GRIK4: variants seen among roughly 807,000 people sequenced by gnomAD.
GRIK4 encodes the protein glutamate receptor ionotropic, kainate 4.
A neutral mutation model predicts 104.9 loss-of-function variants in GRIK4; 40 were observed. That is an observed-to-expected ratio of 0.38 (90% CI 0.30 to 0.50). The LOEUF (loss-of-function observed/expected upper bound fraction) is 0.50, where lower values mean the gene tolerates loss of function less well. Among genes scored for constraint, GRIK4 ranks in the 20% least tolerant of loss-of-function variants. The probability of loss-of-function intolerance (pLI) is 0.93; values close to 1 mark genes in which losing one functional copy is unlikely to be tolerated. For synonymous variants in GRIK4, 485 were observed against 524.9 expected (o/e 0.92, Z 1.04); for missense variants, 1,047 against 1,308.1 (o/e 0.80, Z 3.08).
Position 120,527,621 on chromosome 11 carries a change from A to G in GRIK4, c.-159+15734A>G, listed in dbSNP as rs1947871811. Among the ~76,000 whole-genome samples, 4 of 152,332 alleles carry G rather than the reference A, an allele frequency of 2.6e-5. No homozygotes were observed. The South Asian group carries it at 6.2e-4, about 24-fold the overall frequency. ...GGGGCTGGGAGGAAGACGGGCATTC[A>G]GGTGCTTTTGTTACCTTTGTGATGT... On this transcript the variant is annotated intron_variant, in intron 1 of 20. Transcript: ENST00000527524.
chr11:120,644,492 G>A (rs1949516310), intron 1 of GRIK4, among the ~76,000 whole-genome samples: 2 of 152,214 alleles, frequency 1.3e-5, no homozygotes, highest in South Asian at 4.2e-4. Flanking sequence ...AGAGGTTAAT[G>A]TCTTGGTCAC....
intron 3 of GRIK4, among the ~76,000 whole-genome samples, chr11:120,672,317 G>A (rs1950032368): frequency 1.3e-5 from 2 of 152,114 alleles, no homozygotes; most frequent in African/African-American, 4.8e-5. Flanking sequence ...TCAGGAGGCT[G>A]AGACAGGAGA....
At chr11:120,711,600 C>T (rs1045648170) in intron 3 of GRIK4, among the ~76,000 whole-genome samples, 2 of 152,196 alleles carry the variant, frequency 1.3e-5, no homozygotes, top group Admixed American at 6.5e-5. Flanking sequence ...AAGGGGCCTC[C>T]AAGATCCTAA....
chr11:120,804,207 C>T (rs757902163), intron 4 of GRIK4, among the ~76,000 whole-genome samples: 4 of 152,212 alleles, frequency 2.6e-5, no homozygotes, highest in Non-Finnish European at 4.4e-5. Flanking sequence ...TCCTCCCTTT[C>T]TAACCCGTTT....
At chr11:120,823,248 G>A (rs1315470227) in intron 6 of GRIK4, among the ~76,000 whole-genome samples, 1 of 152,228 alleles carries the variant, frequency 6.6e-6, no homozygotes, top group Non-Finnish European at 1.5e-5. Flanking sequence ...GCTGAGACTT[G>A]TTTCCTCTGC....
intron 3 of GRIK4, among the ~76,000 whole-genome samples, chr11:120,729,879 G>GT (rs1951099292): frequency 6.6e-6 from 1 of 152,142 alleles, no homozygotes; most frequent in Non-Finnish European, 1.5e-5. Flanking sequence ...TTTTCTTGTA[G>GT]TAGTTTCATA....
chr11:120,878,066 C>T (rs1954866106), intron 11 of GRIK4, among the ~76,000 whole-genome samples: 1 of 152,214 alleles, frequency 6.6e-6, no homozygotes, highest in Non-Finnish European at 1.5e-5. Flanking sequence ...CTGCCTGAGT[C>T]ATTAAGAAAC....
intron 1 of GRIK4, among the ~76,000 whole-genome samples, chr11:120,544,546 G>C (rs1478724040): frequency 6.6e-6 from 1 of 152,168 alleles, no homozygotes; most frequent in South Asian, 2.1e-4. Flanking sequence ...GGCCAGGCTG[G>C]TCTTGAGCTC....
At chr11:120,815,599 A>G in intron 5 of GRIK4, 124 bp downstream of exon 5, 1 of 578,056 alleles carries the variant, frequency 1.7e-6, no homozygotes, top group Non-Finnish European at 3.0e-6. Context: ...ATTAATAACA[A>G]CAACATAAAT....
At chr11:120,579,905 C>T (rs946872782) in intron 1 of GRIK4, among the ~76,000 whole-genome samples, 1 of 152,146 alleles carries the variant, frequency 6.6e-6, no homozygotes, top group Non-Finnish European at 1.5e-5. Context: ...CAGTCACACT[C>T]CCTCCCCACC....
At chr11:120,834,193 C>G (rs770652077) in intron 7 of GRIK4, among the ~76,000 whole-genome samples, 1 of 152,078 alleles carries the variant, frequency 6.6e-6, no homozygotes, top group Middle Eastern at 3.2e-3. Flanking sequence ...TTTACACTTT[C>G]GCCAGCAGCA....
chr11:120,617,184 G>A (rs1949127951), intron 1 of GRIK4, among the ~76,000 whole-genome samples: 1 of 152,166 alleles, frequency 6.6e-6, no homozygotes, highest in South Asian at 2.1e-4. Flanking sequence ...AGAGGTTACG[G>A]TTAAGAACCG....
chr11:120,791,420 T>C (rs1952391966), intron 3 of GRIK4, among the ~76,000 whole-genome samples: 1 of 152,256 alleles, frequency 6.6e-6, no homozygotes, highest in Non-Finnish European at 1.5e-5. Flanking sequence ...GTGAAATGTC[T>C]ATTCGAATCT....
At chr11:120,635,275 C>T (rs1233346843) in intron 1 of GRIK4, among the ~76,000 whole-genome samples, 1 of 152,232 alleles carries the variant, frequency 6.6e-6, no homozygotes, top group African/African-American at 2.4e-5. Context: ...ATGCTGCAAC[C>T]ACCCAAGGTG....
At chr11:120,908,879 C>T (rs528846222) in intron 13 of GRIK4, among the ~76,000 whole-genome samples, 3 of 152,360 alleles carry the variant, frequency 2.0e-5, no homozygotes, top group Admixed American at 2.0e-4. Context: ...ACACTGGTAA[C>T]AGCACTCGAG....
At chr11:120,633,387 T>C (rs1350501924) in intron 1 of GRIK4, among the ~76,000 whole-genome samples, 1 of 152,192 alleles carries the variant, frequency 6.6e-6, no homozygotes, top group East Asian at 1.9e-4. Context: ...GAGGACTCTC[T>C]GCAGACGCTG....
chr11:120,699,539 A>ATG (rs57345739), intron 3 of GRIK4, among the ~76,000 whole-genome samples: 2,436 of 145,144 alleles, frequency 0.017, 21 homozygotes, highest in Non-Finnish European at 0.025. Flanking sequence ...AGGTGTGTGT[A>ATG]TGTGTGTGTG....
intron 6 of GRIK4, among the ~76,000 whole-genome samples, chr11:120,821,575 G>A (rs1386624931): frequency 6.6e-6 from 1 of 152,230 alleles, no homozygotes; most frequent in Admixed American, 6.5e-5. Context: ...CTCATCATGG[G>A]TGTGCCCTTG....
At chr11:120,909,224 G>A (rs1277039537) in intron 13 of GRIK4, among the ~76,000 whole-genome samples, 1 of 152,244 alleles carries the variant, frequency 6.6e-6, no homozygotes, top group Non-Finnish European at 1.5e-5. Context: ...TTCCTGGAGG[G>A]TTATTGGTAA....
Sources: allele counts gnomAD v4.1 joint callset (sites outside exome capture counted in the v4.1 genomes callset), GRCh38; gene constraint gnomAD v4.1.1; transcripts MANE v1.5; gene names NCBI Gene and HGNC (gene_info 2026-07-23, HGNC 2026-07-21).